Variants in CRAMP1 observed in about 807,000 individuals in gnomAD.
CRAMP1 encodes the protein cramped chromatin regulator 1.
CRAMP1 carries 50 observed loss-of-function variants against 115.4 expected under a neutral mutation model. That is an observed-to-expected ratio of 0.43 (90% confidence interval 0.35 to 0.55). The LOEUF (loss-of-function observed/expected upper bound fraction) is 0.55, where lower values mean the gene tolerates loss of function less well. Among genes scored for constraint, CRAMP1 ranks in the 20% least tolerant of loss-of-function variants. The probability of loss-of-function intolerance (pLI) is 0.01; values close to 1 mark genes in which losing one functional copy is unlikely to be tolerated. For synonymous variants in CRAMP1, 866 were observed against 745.4 expected, an observed-to-expected ratio of 1.16 and a Z score of -2.64; for missense variants, 1,679 against 1,721.7, an observed-to-expected ratio of 0.98 and a Z score of 0.44.
In CRAMP1 at chr16:1,667,151, C is replaced by T. The variant is rs1386409313; in HGVS notation, c.3037-184C>T. On this transcript the variant is annotated intron_variant, in intron 16 of 20. Coordinates refer to ENST00000397412, the MANE Select transcript of CRAMP1 (RefSeq NM_020825.4). ...GAAGCAACAAAAAATTGGAAGTACA[C>T]GGTCCACACCTGAAAGTAGCCTTTC... 3.3e-5 allele frequency among the ~76,000 whole-genome samples: 5 copies of T among 152,244 alleles called. No homozygotes were observed. In the East Asian group the frequency reaches 5.8e-4, roughly 18 times the overall value.
rs1021342122 is a variant in CRAMP1, at chr16:1,614,007, T to C, written c.-1-632T>C. Among the ~76,000 whole-genome samples, 13 of 151,032 alleles carry C rather than the reference T, an allele frequency of 8.6e-5. No individual in the cohort carries two copies. The highest frequency in any genetic ancestry group is 1.8e-4 in the Non-Finnish European group (12 of 67,738). On this transcript the variant is annotated intron_variant, in intron 1 of 20. Coordinates refer to ENST00000397412, the MANE Select transcript of CRAMP1 (RefSeq NM_020825.4). The surrounding 1 kb of genome is among the most constrained non-coding windows in gnomAD (Gnocchi z 4.4). ...CCGTGCGGGCAGGCGAGCCCGCGCT[T>C]CTCCCGTCCCGGGGTGGATCCGGCC...
Position 1,674,933 on chromosome 16 carries a change from A to G in CRAMP1, c.*888A>G, listed in dbSNP as rs964660690. ...TATGATTACAGCGAAGACTTTCCTG[A>G]TAAGTTCTCAAACTCGATGTGTGAC... On this transcript the variant is annotated 3_prime_UTR_variant, in exon 21 of 21. Coordinates refer to ENST00000397412, the MANE Select transcript of CRAMP1 (RefSeq NM_020825.4). 1.3e-5 allele frequency: 2 copies of G among 152,202 alleles called. No homozygotes were observed. The highest frequency in any genetic ancestry group is 2.9e-5 in the Non-Finnish European group (2 of 68,044). 9.4% of individuals were successfully genotyped at this position (152,202 alleles called of 1,614,324 possible).
At position 1,655,930 on chromosome 16, in the gene CRAMP1, G is replaced by A. The variant is rs2036767806; in HGVS notation, c.1173G>A (p.Gln391=). 5.0e-6 allele frequency: 8 copies of A among 1,613,142 alleles called. No homozygotes were observed. The highest frequency in any genetic ancestry group is 6.8e-6 in the Non-Finnish European group (8 of 1,179,856). The part of the protein sequence containing the change: ...QLQDSCSAPM[Q]EKVTLHLFPG... The stretch of plus-strand genomic sequence containing the variant: ...AGGACTCATGCTCCGCACCGATGCA[G>A]GAGAAGGTGACACTGCACTTGTTCC... Residue 391 remains glutamine (Q), a synonymous_variant, in exon 10 of 21, where the codon CAG becomes CAA. Coordinates refer to ENST00000397412, the MANE Select transcript of CRAMP1 (RefSeq NM_020825.4).
chr16:1,665,793 T>TCAC (rs2036869207), intron 14 of CRAMP1: 1 of 443,254 alleles, frequency 2.3e-6, no homozygotes, highest in Admixed American at 3.8e-5. Flanking sequence ...TGGGGGCTTG[T>TCAC]CACCCTTCAA....
chr16:1,620,746 G>A (rs1002919086), intron 2 of CRAMP1: 2 of 452,740 alleles, frequency 4.4e-6, no homozygotes, highest in East Asian at 7.0e-5. Flanking sequence ...TTTGAGGTTG[G>A]TTTCCCCCAC....
chr16:1,622,050 C>T (rs1225081837), intron 2 of CRAMP1, among the ~76,000 whole-genome samples: 3 of 152,192 alleles, frequency 2.0e-5, no homozygotes, highest in Non-Finnish European at 2.9e-5. Context: ...AGGCTGTCAT[C>T]GTATTCTACC....
chr16:1,674,152 T>C lies in CRAMP1; in HGVS notation c.*107T>C. On this transcript the variant is annotated 3_prime_UTR_variant, in exon 21 of 21. Coordinates refer to ENST00000397412, the MANE Select transcript of CRAMP1 (RefSeq NM_020825.4). ...ACAGAGGCATCTCCGCACCCAAGACTGTGCAACGGGCAGGAACGTGGTCAC... is the reference window on the plus strand; with the variant it reads ...ACAGAGGCATCTCCGCACCCAAGACCGTGCAACGGGCAGGAACGTGGTCAC... The C allele has an allele frequency of 1.6e-5, 18 of 1,128,744 alleles. No individual in the cohort carries two copies. Among genetic ancestry groups the C allele is most frequent in the Non-Finnish European group, 2.1e-5 (17 of 806,928 alleles). The allele number at this position is 1,128,744 out of a possible 1,614,324, so 69.9% of individuals were successfully genotyped here.
chr16:1,627,714 G>A (rs946125018), intron 3 of CRAMP1, among the ~76,000 whole-genome samples: 1 of 152,210 alleles, frequency 6.6e-6, no homozygotes, highest in Non-Finnish European at 1.5e-5. Flanking sequence ...CAGTAGATAT[G>A]AAGCCATTTA....
At chr16:1,622,589 T>C (rs568521520) in intron 2 of CRAMP1, among the ~76,000 whole-genome samples, 12 of 152,236 alleles carry the variant, frequency 7.9e-5, no homozygotes, top group Admixed American at 7.2e-4. Context: ...GCGATTTGCT[T>C]TCTTGTCTGT....
At chr16:1,655,750 G>A (rs2036765651) in intron 9 of CRAMP1, 127 bp from the exon 10 acceptor site, 3 of 1,064,062 alleles carry the variant, frequency 2.8e-6, no homozygotes, top group Non-Finnish European at 4.1e-6. Flanking sequence ...GAAAGCCACG[G>A]GTGGTGGCAT....
intron 7 of CRAMP1, 102 bp from the exon 8 acceptor site, chr16:1,652,931 C>T (rs533660817): frequency 1.7e-4 from 237 of 1,390,566 alleles, no homozygotes; most frequent in Middle Eastern, 1.5e-3. Flanking sequence ...TTTGCAAGGC[C>T]ATCTGCTCAC....
chr16:1,670,361 A>T, intron 19 of CRAMP1: 1 of 206,614 alleles, frequency 4.8e-6, no homozygotes. Flanking sequence ...GGAGAGCATG[A>T]TGGGGGTGGG....
chr16:1,657,460 G>C (rs1453317293), intron 10 of CRAMP1, among the ~76,000 whole-genome samples: 1 of 152,218 alleles, frequency 6.6e-6, no homozygotes, highest in African/African-American at 2.4e-5. Context: ...AGCCGAGCTA[G>C]CCTTCTGGCT....
intron 4 of CRAMP1, 42 bp from the exon 5 acceptor site, chr16:1,637,782 C>T (rs2036600460): frequency 2.7e-6 from 3 of 1,104,652 alleles, no homozygotes; most frequent in South Asian, 1.8e-5. Context: ...GGCAGCGCCT[C>T]CTGTTCCCCT....
At chr16:1,635,792 C>T (rs1275490223) in intron 4 of CRAMP1, among the ~76,000 whole-genome samples, 2 of 152,220 alleles carry the variant, frequency 1.3e-5, no homozygotes, top group African/African-American at 4.8e-5. Context: ...ATGTCCATTG[C>T]CCAGGAGGAA....
rs147906255 is a variant in CRAMP1 at position 1,666,362 on chromosome 16, T to C, written c.2858-60T>C. The stretch of plus-strand genomic sequence containing the variant: ...GGGAGAAGCTGTTCCCCGAGCCCTC[T>C]TGGGACATCTTATGGGTTGTCAGTA... On this transcript the variant is annotated intron_variant, in intron 15 of 20. Coordinates refer to ENST00000397412, the MANE Select transcript of CRAMP1 (RefSeq NM_020825.4). This position sits in a 1 kb window ranked among gnomAD's most constrained non-coding sequence, Gnocchi z 5.0. 6.6e-6 allele frequency: 10 copies of C among 1,521,022 alleles called. No individual in the cohort carries two copies. The highest frequency in any genetic ancestry group is 1.7e-4 in the Middle Eastern group (1 of 5,860). The allele number at this position is 1,521,022 out of a possible 1,614,324, so 94.2% of individuals were successfully genotyped here.
intron 4 of CRAMP1, among the ~76,000 whole-genome samples, chr16:1,633,704 C>T (rs1277349529): frequency 1.3e-5 from 2 of 152,172 alleles, no homozygotes; most frequent in African/African-American, 4.8e-5. Context: ...CAGAGTGGCA[C>T]GCAGCACCGA....
At chr16:1,631,350 T>A (rs1314279897) in intron 3 of CRAMP1, among the ~76,000 whole-genome samples, 1 of 152,234 alleles carries the variant, frequency 6.6e-6, no homozygotes, top group African/African-American at 2.4e-5. Context: ...GGCTCCTGCA[T>A]CCTCTTCTCA....
At chr16:1,662,919 AT>A in intron 13 of CRAMP1, 84 bp downstream of exon 13, 1 of 1,066,228 alleles carries the variant, frequency 9.4e-7, no homozygotes, top group Non-Finnish European at 1.4e-6. Flanking sequence ...TCACATTTTC[AT>A]GGTGTAAAAT....
Sources: allele counts gnomAD v4.1 joint callset (sites outside exome capture counted in the v4.1 genomes callset), GRCh38; gene constraint gnomAD v4.1.1; non-coding constraint Gnocchi (gnomAD v3.1); transcripts MANE v1.5; gene names NCBI Gene and HGNC (gene_info 2026-07-23, HGNC 2026-07-21).